The following KIF20B variants were observed in gnomAD, a reference collection of about 807,000 sequenced individuals.
The protein encoded by KIF20B is kinesin-like protein KIF20B.
In KIF20B, 188 loss-of-function variants were observed where a neutral mutation model predicts 232.5. That is an observed-to-expected ratio of 0.81 (90% CI 0.72 to 0.91). The LOEUF (loss-of-function observed/expected upper bound fraction) is 0.91. Among genes scored for constraint, KIF20B ranks in the 40% least tolerant of loss-of-function variants. KIF20B has a pLI of 0.00. For missense variants in KIF20B, 2,154 were observed against 2,055.9 expected (o/e 1.05, Z -0.92); for synonymous variants, 712 against 683.0 (o/e 1.04, Z -0.66).
In KIF20B at chr10:89,751,415, T is replaced by C. The variant is rs779556551; in HGVS notation, c.4166T>C (p.Val1389Ala). The stretch of plus-strand genomic sequence containing the variant: ...CTAGAAGAACAGGAACAAACTCAGG[T>C]AGAACAGGATCAAGTGCTTGAGGCT... Reference protein sequence around the residue: ...MTLEEQEQTQVEQDQVLEAKL... With the variant: ...MTLEEQEQTQAEQDQVLEAKL... The change falls in exon 24 of 33, where the codon GTA (valine) becomes GCA (alanine). Residue 1389 changes from valine to alanine, a missense_variant. Coordinates refer to ENST00000371728, the MANE Select transcript of KIF20B (RefSeq NM_001284259.2). 2 of 1,609,400 alleles carry C rather than the reference T, an allele frequency of 1.2e-6. No homozygotes were observed. Among genetic ancestry groups the C allele is most frequent in the South Asian group, 2.2e-5 (2 of 89,746 alleles).
intron 15 of KIF20B, 80 bp downstream of exon 15, chr10:89,725,238 C>A: frequency 8.2e-7 from 1 of 1,217,248 alleles, no homozygotes; most frequent in Non-Finnish European, 1.2e-6. Flanking sequence ...TGATGAGAAA[C>A]ACCAAGATAG....
intron 13 of KIF20B, 92 bp downstream of exon 13, chr10:89,719,798 C>T (rs1030271408): frequency 9.4e-7 from 1 of 1,060,636 alleles, no homozygotes; most frequent in Non-Finnish European, 1.4e-6. Context: ...TTTTTTTCAA[C>T]AGTACACTGA....
chr10:89,748,261 T>C (rs1163380570), intron 23 of KIF20B, among the ~76,000 whole-genome samples: 8 of 152,180 alleles, frequency 5.3e-5, no homozygotes, highest in African/African-American at 1.9e-4. Flanking sequence ...CCACCCGCCT[T>C]GGCCTCCCAA....
chr10:89,709,506 C>G (rs1842794368), intron 4 of KIF20B, 45 bp downstream of exon 4: 1 of 1,288,482 alleles, frequency 7.8e-7, no homozygotes, highest in Non-Finnish European at 1.1e-6. Context: ...GATAAAGAGA[C>G]TTGGCTTAGG....
chr10:89,761,338 A>G (rs1299862101), intron 28 of KIF20B, among the ~76,000 whole-genome samples: 1 of 152,124 alleles, frequency 6.6e-6, no homozygotes, highest in Non-Finnish European at 1.5e-5. Context: ...GTAGAAATAT[A>G]AAGTGAGTAC....
chr10:89,774,178 G>C lies in KIF20B; in HGVS notation c.*130G>C. On this transcript the variant is annotated 3_prime_UTR_variant, in exon 33 of 33. Transcript: ENST00000371728. ...CATATAGATTGCTGTTTTATACATA[G>C]TATAATTTTAATTCAATAAATGAGT... The C allele has an allele frequency of 2.3e-6, 1 of 439,884 alleles. No homozygotes were observed. The highest frequency in any genetic ancestry group is 4.0e-6 in the Non-Finnish European group (1 of 250,886). 27.2% of individuals were successfully genotyped at this position (439,884 alleles called of 1,614,324 possible).
chr10:89,705,533 T>G, intron 2 of KIF20B, 92 bp downstream of exon 2: 1 of 1,084,128 alleles, frequency 9.2e-7, no homozygotes, highest in Admixed American at 2.6e-5. Flanking sequence ...TACCTGTTTT[T>G]GTACTTAGAT....
intron 29 of KIF20B, among the ~76,000 whole-genome samples, chr10:89,765,110 C>T (rs1842327059): frequency 6.6e-6 from 1 of 151,848 alleles, no homozygotes; most frequent in Admixed American, 6.6e-5. Flanking sequence ...CAGCTTTCTA[C>T]ATATGGCTAG....
intron 31 of KIF20B, 130 bp downstream of exon 31, chr10:89,769,018 G>A (rs2133178929): frequency 1.5e-6 from 1 of 682,128 alleles, no homozygotes; most frequent in Non-Finnish European, 2.3e-6. Flanking sequence ...CCTATACTAG[G>A]TACTGTGGGA....
chr10:89,751,505 A>T (rs1435685762), intron 24 of KIF20B, 34 bp downstream of exon 24: 1 of 1,565,652 alleles, frequency 6.4e-7, no homozygotes, highest in Non-Finnish European at 8.6e-7. Flanking sequence ...CTCTAAATAT[A>T]CTTTTTCATT....
At chr10:89,723,867 G>T in intron 13 of KIF20B, 97 bp from the exon 14 acceptor site, 3 of 946,708 alleles carry the variant, frequency 3.2e-6, no homozygotes, top group African/African-American at 1.7e-5. Context: ...AATTACAATT[G>T]ACTAAATGTA....
intron 21 of KIF20B, among the ~76,000 whole-genome samples, chr10:89,742,369 A>G (rs933822806): frequency 1.1e-4 from 16 of 152,134 alleles, no homozygotes; most frequent in African/African-American, 3.6e-4. Flanking sequence ...CCTGTGGATA[A>G]GGGGGAACTT....
intron 25 of KIF20B, 56 bp from the exon 26 acceptor site, chr10:89,754,462 A>G (rs112841960): frequency 8.8e-7 from 1 of 1,141,406 alleles, no homozygotes; most frequent in Non-Finnish European, 1.2e-6. Flanking sequence ...TTATAGAAAC[A>G]TGTATTGACT....
rs1468968651 is a variant in KIF20B at position 89,739,096 on chromosome 10, G to A, written c.3915G>A (p.Glu1305=). Residue 1305 remains glutamate, a splice_region_variant and synonymous_variant, in exon 21 of 33, where the codon GAG becomes GAA. Coordinates refer to ENST00000371728, the MANE Select transcript of KIF20B (RefSeq NM_001284259.2). Reference sequence around the variant, plus strand: ...AGCAGATTAAGCAAGTACAGAAAGAGGTAGGTTATTTGAAAAGTTATGTGG... The same window carrying A: ...AGCAGATTAAGCAAGTACAGAAAGAAGTAGGTTATTTGAAAAGTTATGTGG... The part of the protein sequence containing the change: ...AKKQIKQVQK[E]VSVMRDEDKL... 6.2e-7 allele frequency: 1 copy of A among 1,610,122 alleles called. No homozygotes were observed. Among genetic ancestry groups the A allele is most frequent in the African/African-American group, 1.3e-5 (1 of 74,808 alleles).
At chr10:89,759,542 AAG>A (rs918121222) in intron 27 of KIF20B, among the ~76,000 whole-genome samples, 1 of 152,138 alleles carries the variant, frequency 6.6e-6, no homozygotes, top group Non-Finnish European at 1.5e-5. Context: ...CTATTATTGT[AAG>A]AGAGATTACT....
intron 18 of KIF20B, among the ~76,000 whole-genome samples, chr10:89,732,611 C>G (rs1843349895): frequency 6.6e-6 from 1 of 152,142 alleles, no homozygotes; most frequent in African/African-American, 2.4e-5. Context: ...CTTTAAGAGG[C>G]TTTGGCTACA....
chr10:89,709,904 GT>G (rs745500106), intron 4 of KIF20B, 22 bp from the exon 5 acceptor site: 2 of 1,554,454 alleles, frequency 1.3e-6, no homozygotes, highest in Non-Finnish European at 1.7e-6. Context: ...TCTAAAAAGA[GT>G]TTTTAAAAAA....
At chr10:89,725,489 G>C (rs897687288) in intron 15 of KIF20B, among the ~76,000 whole-genome samples, 11 of 152,086 alleles carry the variant, frequency 7.2e-5, no homozygotes, top group African/African-American at 2.7e-4. Context: ...AGGTGTAAGA[G>C]ACCTAAGACG....
At chr10:89,733,882 A>C (rs1841583324) in intron 19 of KIF20B, among the ~76,000 whole-genome samples, 1 of 152,214 alleles carries the variant, frequency 6.6e-6, no homozygotes, top group Non-Finnish European at 1.5e-5. Context: ...CAGCTTCCCA[A>C]GAACATTTAG....
Sources: gnomAD v4.1 joint callset for allele counts (sites outside exome capture counted in the v4.1 genomes callset) on GRCh38, gnomAD v4.1.1 for gene constraint, MANE v1.5 for transcripts, NCBI Gene and HGNC (gene_info 2026-07-23, HGNC 2026-07-21) for gene names.